The following PYGB variants were observed in gnomAD, a reference collection of about 807,000 sequenced individuals.
PYGB encodes glycogen phosphorylase B, also known as glycogen phosphorylase, brain form.
In PYGB, 82 loss-of-function variants were observed where a neutral mutation model predicts 94.3. That is an observed-to-expected ratio of 0.87 (90% CI 0.73 to 1.04). The LOEUF (loss-of-function observed/expected upper bound fraction) is 1.04, where lower values mean the gene tolerates loss of function less well. PYGB is among the 50% of genes least tolerant of loss of function. The pLI, the probability that PYGB is intolerant of heterozygous loss-of-function variation, is 0.00. For missense variants in PYGB, 1,132 were observed against 1,158.2 expected, an observed-to-expected ratio of 0.98 and a Z score of 0.33; for synonymous variants, 488 against 479.1, an observed-to-expected ratio of 1.02 and a Z score of -0.24.
rs897356544 is a variant in PYGB at position 25,257,573 on chromosome 20, A to G, written c.244-1664A>G. Among the ~76,000 whole-genome samples, 3 of 152,204 alleles carry G rather than the reference A, an allele frequency of 2.0e-5. No individual in the cohort carries two copies. In the East Asian group the frequency reaches 5.8e-4, roughly 29 times the overall value. On this transcript the variant is annotated intron_variant, in intron 1 of 19. Transcript: ENST00000216962. Reference sequence around the variant, plus strand: ...GCCAGGTGTGGTGGCATGCACCTGTAGTGCCAGCTGCTTGGGAGGCTGAGA... The same window carrying G: ...GCCAGGTGTGGTGGCATGCACCTGTGGTGCCAGCTGCTTGGGAGGCTGAGA...
intron 2 of PYGB, among the ~76,000 whole-genome samples, chr20:25,264,630 A>G (rs1330296356): frequency 6.6e-6 from 1 of 152,176 alleles, no homozygotes; most frequent in African/African-American, 2.4e-5. Flanking sequence ...ATACACCAAT[A>G]AACAGACAAA....
rs765539638 is a variant in PYGB at position 25,283,273 on chromosome 20, A to G, written c.1616A>G (p.Lys539Arg). The G allele has an allele frequency of 1.2e-6, 2 of 1,613,026 alleles. No homozygotes were observed. Among genetic ancestry groups the G allele is most frequent in the Non-Finnish European group, 1.7e-6 (2 of 1,179,386 alleles). Residue 539 changes from lysine (K) to arginine (R), a missense_variant, in exon 13 of 20, where the codon AAA becomes AGA. Transcript: ENST00000216962. ...EVFIRDVAKV[K>R]QENKLKFSAF... ...TTCATCAGGGACGTGGCCAAGGTCA[A>G]ACAGGTAGGCATGGCCCTGGCCCCA...
rs2088363335 is a variant in PYGB, at chr20:25,281,108, T to G, written c.1399T>G (p.Ser467Ala). The G allele has an allele frequency of 6.2e-7, 1 of 1,613,942 alleles. No homozygotes were observed. The highest frequency in any genetic ancestry group is 1.7e-5 in the Admixed American group (1 of 59,998). Residue 467 changes from serine (S) to alanine (A), a missense_variant, in exon 11 of 20, where the codon TCG (serine) becomes GCG (alanine). Coordinates refer to ENST00000216962, the MANE Select transcript of PYGB (RefSeq NM_002862.4). ...ARIHSEIVKQ[S>A]VFKDFYELEP... ...GATCCACTCGGAGATCGTGAAACAG[T>G]CGGTGTGAGTGGGGCGCTTGCCCGA...
At chr20:25,276,425 G>A (rs73101793) in intron 5 of PYGB, among the ~76,000 whole-genome samples, 4,875 of 152,174 alleles carry the variant, frequency 0.032, 128 homozygotes, top group Non-Finnish European at 0.047. Flanking sequence ...GTGGTGGGAC[G>A]GGTGGTCCTC....
At chr20:25,249,919 G>A (rs1298814240) in intron 1 of PYGB, among the ~76,000 whole-genome samples, 2 of 151,178 alleles carry the variant, frequency 1.3e-5, no homozygotes, top group Non-Finnish European at 2.9e-5. Flanking sequence ...GCGCGATCTC[G>A]GCTCAGTGCA....
chr20:25,266,643 G>C (rs533937447), intron 2 of PYGB, among the ~76,000 whole-genome samples: 133 of 152,230 alleles, frequency 8.7e-4, no homozygotes, highest in African/African-American at 3.1e-3. Context: ...TAAGAGTCTA[G>C]TATCCAGAAT....
intron 16 of PYGB, 101 bp from the exon 17 acceptor site, chr20:25,292,304 AC>A: frequency 1.4e-6 from 2 of 1,384,108 alleles, no homozygotes; most frequent in Non-Finnish European, 2.0e-6. Context: ...TCCCTCCACG[AC>A]CCAGCCCCGG....
chr20:25,291,287 CCT>C (rs894765356), intron 16 of PYGB, among the ~76,000 whole-genome samples: 8 of 152,176 alleles, frequency 5.3e-5, no homozygotes, highest in Admixed American at 5.2e-4. Context: ...AGTTCCCACC[CCT>C]GTGGGCTCTA....
At position 25,281,038 on chromosome 20, in the gene PYGB, C is replaced by A; in HGVS notation, c.1329C>A (p.Ala443=). 6.2e-7 allele frequency: 1 copy of A among 1,614,178 alleles called. No homozygotes were observed. The highest frequency in any genetic ancestry group is 8.5e-7 in the Non-Finnish European group (1 of 1,180,018). The change falls in exon 11 of 20, where the codon GCC becomes GCA. Residue 443 remains alanine (A), a synonymous_variant. Coordinates refer to ENST00000216962, the MANE Select transcript of PYGB (RefSeq NM_002862.4). ...EEGDCKRINM[A]HLCVIGSHAV... is the part of the protein sequence containing the mutation. ...GGGACTGCAAGCGGATCAACATGGC[C>A]CACCTGTGTGTGATTGGGTCCCATG...
chr20:25,248,968 A>G (rs866197926), intron 1 of PYGB, among the ~76,000 whole-genome samples: 1 of 152,238 alleles, frequency 6.6e-6, no homozygotes, highest in African/African-American at 2.4e-5. Flanking sequence ...TACGAAGCTC[A>G]GAGATGGAGA....
rs562479236 is a variant in PYGB, at chr20:25,296,475, G to A, written c.2485G>A (p.Glu829Lys). 93 of 1,613,746 alleles carry A rather than the reference G, an allele frequency of 5.8e-5. No homozygotes were observed. Among genetic ancestry groups the A allele is most frequent in the Non-Finnish European group, 7.7e-5 (91 of 1,180,022 alleles). ...GTATGCACGGGAGATCTGGGGTGTG[G>A]AGCCCTCCGACCTGCAGATCCCGCC... ...TEYAREIWGV[E>K]PSDLQIPPPN... The change falls in exon 20 of 20, where the codon GAG becomes AAG. Residue 829 changes from glutamate to lysine, a missense_variant. Physicochemically the swap from Glu to Lys is moderately conservative, Grantham distance 56. Transcript: ENST00000216962.
At chr20:25,256,009 A>C (rs182236563) in intron 1 of PYGB, among the ~76,000 whole-genome samples, 3 of 152,326 alleles carry the variant, frequency 2.0e-5, no homozygotes, top group East Asian at 3.9e-4. Flanking sequence ...CTGGGATTAT[A>C]GGCATGAGCC....
chr20:25,295,130 TCTGG>T, intron 18 of PYGB: 1 of 1,299,256 alleles, frequency 7.7e-7, no homozygotes, highest in East Asian at 2.3e-5. Context: ...GATTCATAAA[TCTGG>T]CATTTTTGTT....
chr20:25,280,193 C>A lies in PYGB; in HGVS notation c.1093-73C>A, dbSNP rs1302427380. On this transcript the variant is annotated intron_variant, in intron 9 of 19. Coordinates refer to ENST00000216962, the MANE Select transcript of PYGB (RefSeq NM_002862.4). Reference sequence around the variant, plus strand: ...ATCTGCCTGGGATCCTGGACGCTCACCCTGCCTAGGCAACTGGCCAGAGAG... The same window carrying A: ...ATCTGCCTGGGATCCTGGACGCTCAACCTGCCTAGGCAACTGGCCAGAGAG... The A allele has an allele frequency of 3.9e-6, 6 of 1,556,468 alleles. No homozygotes were observed. The Admixed American group carries it at 6.9e-5, about 18-fold the overall frequency.
In PYGB at chr20:25,280,307, C is replaced by T. The variant is rs1410569614; in HGVS notation, c.1134C>T (p.His378=). The T allele has an allele frequency of 8.1e-6, 13 of 1,614,062 alleles. No homozygotes were observed. The African/African-American group carries it at 1.5e-4, about 18-fold the overall frequency. ...AGAAGACCTGTGCATACACCAACCA[C>T]ACTGTGCTGCCTGAGGCCTTGGAGC... is the stretch of plus-strand genomic sequence containing the variant. ...ITKKTCAYTN[H]TVLPEALERW... Residue 378 remains histidine, a synonymous_variant, in exon 10 of 20, where the codon CAC becomes CAT. Transcript: ENST00000216962.
chr20:25,262,543 T>G (rs1373681149), intron 2 of PYGB, among the ~76,000 whole-genome samples: 1 of 152,058 alleles, frequency 6.6e-6, no homozygotes, highest in East Asian at 1.9e-4. Flanking sequence ...GTAAAGACCA[T>G]CAAAGCTAGG....
intron 13 of PYGB, 72 bp from the exon 14 acceptor site, chr20:25,284,032 G>A (rs2088394315): frequency 1.9e-6 from 3 of 1,568,850 alleles, no homozygotes; most frequent in African/African-American, 2.7e-5. Context: ...GGCACTTGAA[G>A]CAGGAAGCCG....
intron 1 of PYGB, among the ~76,000 whole-genome samples, chr20:25,256,270 T>G (rs193300203): frequency 2.0e-5 from 3 of 152,154 alleles, no homozygotes; most frequent in Non-Finnish European, 4.4e-5. Context: ...AAGGTGTCTT[T>G]AGGTGATTGG....
chr20:25,288,131 G>A, intron 14 of PYGB: 1 of 535,784 alleles, frequency 1.9e-6, no homozygotes, highest in Non-Finnish European at 3.4e-6. Context: ...TAGCATCTTT[G>A]CTCGAGTCAG....
Sources: allele counts gnomAD v4.1 joint callset (sites outside exome capture counted in the v4.1 genomes callset), GRCh38; gene constraint gnomAD v4.1.1; transcripts MANE v1.5; gene names NCBI Gene and HGNC (gene_info 2026-07-23, HGNC 2026-07-21).